The following DRC1 variants were observed in gnomAD, a reference collection of about 807,000 sequenced individuals.
The protein encoded by DRC1 is dynein regulatory complex subunit 1, also known as dynein regulatory complex protein 1.
Under a neutral mutation model 98.7 loss-of-function variants are expected in DRC1, and 74 were observed. The ratio of observed to expected loss-of-function variants is 0.75; its 90% CI spans 0.62 to 0.91. The LOEUF (loss-of-function observed/expected upper bound fraction) is 0.91. Among genes scored for constraint, DRC1 ranks in the 40% least tolerant of loss-of-function variants. The probability of loss-of-function intolerance (pLI) is 0.00; values close to 1 mark genes in which losing one functional copy is unlikely to be tolerated. For missense variants in DRC1, 875 were observed against 886.0 expected (o/e 0.99, Z 0.16); for synonymous variants, 336 against 334.1 (o/e 1.01, Z -0.06).
intron 1 of DRC1, among the ~76,000 whole-genome samples, chr2:26,402,739 A>G (rs1017304906): frequency 6.6e-6 from 1 of 152,190 alleles, no homozygotes; most frequent in African/African-American, 2.4e-5. Flanking sequence ...GGACCCCTAC[A>G]AACTTGAATG....
chr2:26,406,246 C>T (rs1678422336), intron 1 of DRC1, among the ~76,000 whole-genome samples: 1 of 152,114 alleles, frequency 6.6e-6, no homozygotes, highest in South Asian at 2.1e-4. Flanking sequence ...GACATTGTTT[C>T]GAATTGCTGG....
intron 11 of DRC1, among the ~76,000 whole-genome samples, chr2:26,449,730 G>A (rs528164208): frequency 6.6e-6 from 1 of 152,346 alleles, no homozygotes; most frequent in East Asian, 1.9e-4. Flanking sequence ...GAGGTGGGTT[G>A]GTGCCCTTCT....
intron 1 of DRC1, among the ~76,000 whole-genome samples, chr2:26,413,360 T>C (rs1678682911): frequency 1.3e-5 from 2 of 152,208 alleles, no homozygotes; most frequent in Admixed American, 6.5e-5. Flanking sequence ...TGTAAAAAAT[T>C]CCTAAAGAAA....
chr2:26,405,405 G>T (rs1365671241), intron 1 of DRC1, among the ~76,000 whole-genome samples: 1 of 151,932 alleles, frequency 6.6e-6, no homozygotes, highest in Non-Finnish European at 1.5e-5. Context: ...AGGGAGATGG[G>T]AAAAAATAAA....
rs776256010 is a variant in DRC1 at position 26,440,519 on chromosome 2, TA to T, written c.1028+4del. The T allele has an allele frequency of 1.2e-6, 2 of 1,609,684 alleles. No individual in the cohort carries two copies. The highest frequency in any genetic ancestry group is 2.7e-5 in the African/African-American group (2 of 74,950). On this transcript the variant is annotated splice_donor_region_variant and intron_variant, in intron 8 of 16. Coordinates refer to ENST00000288710, the MANE Select transcript of DRC1 (RefSeq NM_145038.5). ...CCAGCAGAAGAGGAAGATCAATCGG[TA>T]AGCTAGCATGCAGAGCGTCTTTCTT...
At chr2:26,412,958 A>G (rs955628309) in intron 1 of DRC1, among the ~76,000 whole-genome samples, 4 of 151,918 alleles carry the variant, frequency 2.6e-5, no homozygotes, top group South Asian at 2.1e-4. Flanking sequence ...AATTTTTTGT[A>G]TTTTTAGTAG....
At chr2:26,420,279 A>G (rs1252527442) in intron 2 of DRC1, among the ~76,000 whole-genome samples, 1 of 152,174 alleles carries the variant, frequency 6.6e-6, no homozygotes, top group African/African-American at 2.4e-5. Flanking sequence ...TGGGAAAGGT[A>G]CCTATTTTGG....
intron 2 of DRC1, 43 bp from the exon 3 acceptor site, chr2:26,421,245 C>T (rs1357743336): frequency 6.4e-7 from 1 of 1,563,634 alleles, no homozygotes; most frequent in Non-Finnish European, 8.8e-7. Context: ...ATATTATTTA[C>T]AAAGTGTTCT....
intron 4 of DRC1, among the ~76,000 whole-genome samples, chr2:26,427,962 T>G (rs1170275812): frequency 6.6e-6 from 1 of 152,222 alleles, no homozygotes; most frequent in East Asian, 1.9e-4. Context: ...CACATTTGCT[T>G]TATCCATTCA....
chr2:26,414,447 C>A lies in DRC1; in HGVS notation c.243+16C>A, dbSNP rs1245206096. 3 of 1,611,474 alleles carry A rather than the reference C, an allele frequency of 1.9e-6. No individual in the cohort carries two copies. The highest frequency in any genetic ancestry group is 2.2e-5 in the East Asian group (1 of 44,768). On this transcript the variant is annotated intron_variant, in intron 2 of 16. Coordinates refer to ENST00000288710, the MANE Select transcript of DRC1 (RefSeq NM_145038.5). ...AAGCCGATTGGTATGAACTGGTTGG[C>A]AGATGGGCTCTGGAAGACCAGTGAG...
intron 1 of DRC1, among the ~76,000 whole-genome samples, chr2:26,410,652 A>G (rs1355924319): frequency 6.6e-6 from 1 of 152,196 alleles, no homozygotes; most frequent in African/African-American, 2.4e-5. Flanking sequence ...GCATATTATC[A>G]TGGAAAGAAT....
chr2:26,449,151 C>CCACACTGA (rs1469461241), intron 11 of DRC1, among the ~76,000 whole-genome samples: 2 of 152,262 alleles, frequency 1.3e-5, no homozygotes, highest in Admixed American at 6.5e-5. Flanking sequence ...AGTGATGTGG[C>CCACACTGA]CACACTGACA....
At chr2:26,441,235 A>G (rs903828722) in intron 8 of DRC1, among the ~76,000 whole-genome samples, 4 of 152,200 alleles carry the variant, frequency 2.6e-5, no homozygotes, top group Non-Finnish European at 5.9e-5. Context: ...TTGCTTGTGG[A>G]AGGAGACAAG....
Position 26,401,936 on chromosome 2 carries a change from C to G in DRC1, c.-54C>G. 6.5e-7 allele frequency: 1 copy of G among 1,543,316 alleles called. No homozygotes were observed. The highest frequency in any genetic ancestry group is 1.2e-5 in the South Asian group (1 of 83,424). ...CAACGGTTTGTTCCTAGCAACCAGCCTGAGGTCTGGAGGTGGTGCGGAGGG... is the reference window on the plus strand; with the variant it reads ...CAACGGTTTGTTCCTAGCAACCAGCGTGAGGTCTGGAGGTGGTGCGGAGGG... On this transcript the variant is annotated 5_prime_UTR_variant, in exon 1 of 17. Coordinates refer to ENST00000288710, the MANE Select transcript of DRC1 (RefSeq NM_145038.5).
chr2:26,416,515 T>C (rs140388127), intron 2 of DRC1, among the ~76,000 whole-genome samples: 67 of 152,358 alleles, frequency 4.4e-4, no homozygotes, highest in Middle Eastern at 3.4e-3. Flanking sequence ...AAGATAGTCT[T>C]CTATCGTTTC....
rs1663447018 is a variant in DRC1 at position 26,431,931 on chromosome 2, G to A, written c.813G>A (p.Lys271=). The A allele has an allele frequency of 1.9e-6, 3 of 1,614,072 alleles. No individual in the cohort carries two copies. The highest frequency in any genetic ancestry group is 2.2e-5 in the East Asian group (1 of 44,898). Residue 271 remains lysine, a synonymous_variant, in exon 7 of 17, where the codon AAG becomes AAA. Transcript: ENST00000288710. ...TGAAGAAAGTAGAGGACTATGAGAA[G>A]CAGCTGAACAGGCAGAGGATCTGGG... The part of the protein sequence containing the change: ...NRMKKVEDYE[K]QLNRQRIWDC...
At chr2:26,405,355 C>T (rs1175790838) in intron 1 of DRC1, among the ~76,000 whole-genome samples, 2 of 152,050 alleles carry the variant, frequency 1.3e-5, no homozygotes, top group Admixed American at 1.3e-4. Context: ...ATAAACAAGG[C>T]AAATATAATC....
chr2:26,452,998 C>T (rs1431883312), intron 13 of DRC1, among the ~76,000 whole-genome samples: 1 of 152,096 alleles, frequency 6.6e-6, no homozygotes, highest in African/African-American at 2.4e-5. Flanking sequence ...TTAAATTTAA[C>T]AATTAAAGCA....
chr2:26,410,566 C>A (rs1475643049), intron 1 of DRC1, among the ~76,000 whole-genome samples: 1 of 152,072 alleles, frequency 6.6e-6, no homozygotes, highest in Non-Finnish European at 1.5e-5. Flanking sequence ...GCCACTGCAC[C>A]CAGCCAGAGA....
Sources: allele counts gnomAD v4.1 joint callset (sites outside exome capture counted in the v4.1 genomes callset), GRCh38; gene constraint gnomAD v4.1.1; transcripts MANE v1.5; gene names NCBI Gene and HGNC (gene_info 2026-07-23, HGNC 2026-07-21).